VIPAS39: variants seen among roughly 807,000 people sequenced by gnomAD.
VIPAS39 encodes the protein VPS33B interacting protein, apical-basolateral polarity regulator, spe-39 homolog, also known as spermatogenesis-defective protein 39 homolog.
Under a neutral mutation model 84.7 loss-of-function variants are expected in VIPAS39, and 63 were observed. The ratio of observed to expected loss-of-function variants is 0.74; its 90% confidence interval spans 0.61 to 0.92. The LOEUF (loss-of-function observed/expected upper bound fraction) is 0.92. Ranked by LOEUF, VIPAS39 falls within the 40% of genes least tolerant of loss-of-function variation. The probability of loss-of-function intolerance (pLI) is 0.00; values close to 1 mark genes in which losing one functional copy is unlikely to be tolerated. For synonymous variants in VIPAS39, 192 were observed against 216.5 expected, an observed-to-expected ratio of 0.89 and a Z score of 0.99; for missense variants, 499 against 604.5, an observed-to-expected ratio of 0.83 and a Z score of 1.83.
In VIPAS39 at chr14:77,455,325, T is replaced by TA. The variant is rs534181952; in HGVS notation, c.1-1224dup. ...GTAAAACTGTCTCTACAAAAAAATT[T>TA]AAAAAACAAAACAAAAAACTAGCTG... is the stretch of plus-strand genomic sequence containing the variant. On this transcript the variant is annotated intron_variant, in intron 1 of 19. Transcript: ENST00000557658. Among the ~76,000 whole-genome samples the TA allele has an allele frequency of 2.0e-5, 3 of 151,870 alleles. No individual in the cohort carries two copies. The East Asian group carries it at 5.8e-4, about 29-fold the overall frequency.
At chr14:77,440,809 C>T (rs895978086) in intron 11 of VIPAS39, among the ~76,000 whole-genome samples, 1 of 152,184 alleles carries the variant, frequency 6.6e-6, no homozygotes, top group Non-Finnish European at 1.5e-5. Flanking sequence ...ACCTCCCCAT[C>T]CCAGGTTCAA....
chr14:77,453,430 C>A (rs769868012), intron 2 of VIPAS39, 29 bp from the exon 3 acceptor site: 1 of 1,600,734 alleles, frequency 6.2e-7, no homozygotes, highest in Admixed American at 1.7e-5. Context: ...CTAGGGTGCT[C>A]AGGCAAATCA....
chr14:77,448,797 C>T (rs577589227), intron 6 of VIPAS39, among the ~76,000 whole-genome samples: 1 of 152,152 alleles, frequency 6.6e-6, no homozygotes, highest in Non-Finnish European at 1.5e-5. Context: ...GCCAGTAGCC[C>T]CATGCCTACC....
intron 4 of VIPAS39, among the ~76,000 whole-genome samples, chr14:77,450,281 T>C (rs577798974): frequency 8.5e-5 from 13 of 152,360 alleles, no homozygotes; most frequent in African/African-American, 3.1e-4. Flanking sequence ...ATCATCCATA[T>C]GGCAGCATGT....
At chr14:77,448,674 T>C in intron 6 of VIPAS39, 124 bp from the exon 7 acceptor site, 1 of 1,063,052 alleles carries the variant, frequency 9.4e-7, no homozygotes, top group Non-Finnish European at 1.4e-6. Flanking sequence ...AGGGAATGGA[T>C]GTGAAAAAAA....
At chr14:77,453,202 C>G in intron 3 of VIPAS39, 97 bp downstream of exon 3, 1 of 1,192,526 alleles carries the variant, frequency 8.4e-7, no homozygotes, top group South Asian at 1.2e-5. Context: ...TATCCTAGTC[C>G]CTCTCCTAAC....
intron 17 of VIPAS39, 42 bp from the exon 18 acceptor site, chr14:77,429,137 T>C: frequency 6.4e-7 from 1 of 1,557,290 alleles, no homozygotes; most frequent in Non-Finnish European, 8.8e-7. Context: ...CAAACACCCA[T>C]AAGGCACAGA....
chr14:77,429,907 A>C (rs779788458), intron 16 of VIPAS39, 140 bp from the exon 17 acceptor site: 55 of 786,652 alleles, frequency 7.0e-5, no homozygotes, highest in Non-Finnish European at 1.2e-4. Context: ...ATGAGAAATG[A>C]ATTTTTCAGA....
chr14:77,433,229 T>G (rs1439511153), intron 16 of VIPAS39, among the ~76,000 whole-genome samples: 2 of 152,140 alleles, frequency 1.3e-5, no homozygotes, highest in African/African-American at 2.4e-5. Flanking sequence ...AGACAGGGTT[T>G]TGCTCTTGTT....
intron 6 of VIPAS39, among the ~76,000 whole-genome samples, 198 bp from the exon 7 acceptor site, chr14:77,448,748 G>C (rs1363004325): frequency 6.6e-6 from 1 of 152,192 alleles, no homozygotes; most frequent in Non-Finnish European, 1.5e-5. Flanking sequence ...AATATAGATA[G>C]GAGGAGATGG....
Position 77,427,361 on chromosome 14 carries a change from A to G in VIPAS39, c.*255T>C. On this transcript the variant is annotated 3_prime_UTR_variant, in exon 20 of 20. Coordinates refer to ENST00000557658, the MANE Select transcript of VIPAS39 (RefSeq NM_001193315.2). ...TACCCAGTAGGGGCCCAATCTAGAA[A>G]TCACTCCCACCTTCATATGAGCACC... 3.6e-6 allele frequency: 2 copies of G among 551,028 alleles called. No individual in the cohort carries two copies. The highest frequency in any genetic ancestry group is 6.5e-6 in the Non-Finnish European group (2 of 308,090). The allele number at this position is 551,028 out of a possible 1,614,324, so 34.1% of individuals were successfully genotyped here. A position where few individuals can be genotyped will look rare whatever the true frequency, so the allele number is the denominator to read the frequency against.
rs959670154 is a variant in VIPAS39, at chr14:77,457,257, G to T, written c.-1+238C>A. The T allele has an allele frequency of 3.3e-6, 5 of 1,534,712 alleles. No homozygotes were observed. The African/African-American group carries it at 6.8e-5, about 21-fold the overall frequency. On this transcript the variant is annotated intron_variant, in intron 1 of 19. Transcript: ENST00000557658. Reference sequence around the variant, plus strand: ...GTCGTCAGAGCCCAGCGGATCCCTGGCAGAGTTAAATGCTCGTTCTGAACC... The same window carrying T: ...GTCGTCAGAGCCCAGCGGATCCCTGTCAGAGTTAAATGCTCGTTCTGAACC...
At chr14:77,437,709 C>T (rs900554692) in intron 12 of VIPAS39, 99 bp downstream of exon 12, 16 of 1,245,162 alleles carry the variant, frequency 1.3e-5, no homozygotes, top group Admixed American at 7.0e-5. Flanking sequence ...TCATTGTTAG[C>T]CCTCCCCTTC....
intron 1 of VIPAS39, 59 bp downstream of exon 1, chr14:77,457,436 G>C (rs1371744163): frequency 6.5e-7 from 1 of 1,528,130 alleles, no homozygotes; most frequent in African/African-American, 1.4e-5. Context: ...AAAAGATCAA[G>C]ATGCGGAGAG....
Position 77,434,291 on chromosome 14 carries a change from T to G in VIPAS39, c.1060A>C (p.Ser354Arg). 1 of 1,614,166 alleles carries G rather than the reference T, an allele frequency of 6.2e-7. No homozygotes were observed. Among genetic ancestry groups the G allele is most frequent in the Non-Finnish European group, 8.5e-7 (1 of 1,180,010 alleles). ...AATGTCTTCTTCAGGTTGACGGGAC[T>G]GCTGAATGTCCCCTAGGATGAAAGT... ...HYTEAEGTFSSPVNLKKTFKI... is the reference protein window; with the variant it reads ...HYTEAEGTFSRPVNLKKTFKI... The change falls in exon 15 of 20, where the codon AGT (serine) becomes CGT (arginine). Residue 354 changes from serine (S) to arginine (R), a missense_variant. By Grantham distance (110) the Ser-to-Arg change is moderately radical. Coordinates refer to ENST00000557658, the MANE Select transcript of VIPAS39 (RefSeq NM_001193315.2).
chr14:77,430,830 A>G (rs1034338659), intron 16 of VIPAS39, among the ~76,000 whole-genome samples: 2 of 152,160 alleles, frequency 1.3e-5, no homozygotes, highest in African/African-American at 4.8e-5. Context: ...GGGCTGGCAT[A>G]AAAACAAACA....
chr14:77,430,032 T>C (rs1339652202), intron 16 of VIPAS39, among the ~76,000 whole-genome samples: 1 of 152,218 alleles, frequency 6.6e-6, no homozygotes, highest in Non-Finnish European at 1.5e-5. Context: ...ATAAGTAACT[T>C]ACTTAATATT....
At chr14:77,436,080 T>C (rs146971321) in intron 12 of VIPAS39, among the ~76,000 whole-genome samples, 161 bp from the exon 13 acceptor site, 10 of 152,344 alleles carry the variant, frequency 6.6e-5, no homozygotes, top group South Asian at 2.1e-4. Context: ...ATCGCATGAA[T>C]GGCGTGAATT....
At chr14:77,457,023 A>G in intron 1 of VIPAS39, 10 of 1,289,508 alleles carry the variant, frequency 7.8e-6, no homozygotes, top group Non-Finnish European at 9.9e-6. Flanking sequence ...GAACTTTACA[A>G]AGGAAAACAG....
Sources: allele counts gnomAD v4.1 joint callset (sites outside exome capture counted in the v4.1 genomes callset), GRCh38; gene constraint gnomAD v4.1.1; transcripts MANE v1.5; gene names NCBI Gene and HGNC (gene_info 2026-07-23, HGNC 2026-07-21).